The following DIAPH1 variants were observed in gnomAD, a reference collection of about 807,000 sequenced individuals.
DIAPH1 encodes the protein protein diaphanous homolog 1.
DIAPH1 carries 46 observed loss-of-function variants against 140.7 expected under a neutral mutation model. The ratio of observed to expected loss-of-function variants is 0.33; its 90% CI spans 0.26 to 0.42. The LOEUF (loss-of-function observed/expected upper bound fraction) is 0.42. DIAPH1 is among the 10% of genes least tolerant of loss of function. The pLI is 1.00. For synonymous variants in DIAPH1, 565 were observed against 551.6 expected (o/e 1.02, Z -0.34); for missense variants, 1,310 against 1,558.7 (o/e 0.84, Z 2.69).
chr5:141,615,134 A>G lies in DIAPH1; in HGVS notation c.117+3664T>C, dbSNP rs900226454. On this transcript the variant is annotated intron_variant, in intron 1 of 27. Coordinates refer to ENST00000389054, the MANE Select transcript of DIAPH1 (RefSeq NM_005219.5). ...TAAACTAATTTTAATAATTTTAATA[A>G]TAGTAAAAATCATTCTCTTGGCCGG... Among the ~76,000 whole-genome samples the G allele has an allele frequency of 6.3e-4, 96 of 152,304 alleles. 1 individual carries two copies. Among genetic ancestry groups the G allele is most frequent in the African/African-American group, 1.8e-3 (75 of 41,562 alleles).
intron 15 of DIAPH1, 144 bp downstream of exon 15, chr5:141,574,823 A>G: frequency 2.3e-6 from 2 of 856,102 alleles, no homozygotes; most frequent in African/African-American, 1.7e-5. Flanking sequence ...AAAAACCAGT[A>G]TATTATTTTT....
At position 141,571,734 on chromosome 5, in the gene DIAPH1, C is replaced by T. The variant is rs1596376516; in HGVS notation, c.2473+192G>A. 7.1e-6 allele frequency: 5 copies of T among 703,694 alleles called. No individual in the cohort carries two copies. In the East Asian group the frequency reaches 1.3e-4, roughly 19 times the overall value. 43.6% of individuals were successfully genotyped at this position (703,694 alleles called of 1,614,324 possible). On this transcript the variant is annotated intron_variant, in intron 17 of 27. Coordinates refer to ENST00000389054, the MANE Select transcript of DIAPH1 (RefSeq NM_005219.5). ...ATACCTACATACAACAGTTCTCTTTCCCAAACCAAGTAACTCCATAATATT... is the reference window on the plus strand; with the variant it reads ...ATACCTACATACAACAGTTCTCTTTTCCAAACCAAGTAACTCCATAATATT...
Position 141,526,423 on chromosome 5 carries a change from C to T in DIAPH1, c.3312G>A (p.Leu1104=). The change falls in exon 25 of 28, where the codon CTG becomes CTA. Residue 1104 remains leucine, a synonymous_variant. Transcript: ENST00000389054. The part of the protein sequence containing the change: ...VKDAQEQYNK[L]RMMHSNMETL... ...TCTCCATGTTAGAATGCATCATCCG[C>T]AGCTTGTTATACTGTTCCTGTGCAT... The T allele has an allele frequency of 6.2e-7, 1 of 1,614,152 alleles. No individual in the cohort carries two copies. The highest frequency in any genetic ancestry group is 8.5e-7 in the Non-Finnish European group (1 of 1,180,028).
chr5:141,588,224 C>A lies in DIAPH1; in HGVS notation c.144G>T (p.Glu48Asp). Residue 48 changes from glutamate (E) to aspartate (D), a missense_variant and splice_region_variant, in exon 2 of 28, where the codon GAG (glutamate) becomes GAT (aspartate). Glu to Asp is a conservative substitution (Grantham distance 45). Transcript: ENST00000389054. ...CACATGCTAAACAAAATGTCCTTACCTCATCTGCCATGAGCCGCTTCAGAG... is the reference window on the plus strand; with the variant it reads ...CACATGCTAAACAAAATGTCCTTACATCATCTGCCATGAGCCGCTTCAGAG... ...KFTLKRLMAD[E>D]LERFTSMRIK... is the part of the protein sequence containing the mutation. 3 of 1,611,788 alleles carry A rather than the reference C, an allele frequency of 1.9e-6. No homozygotes were observed. Among genetic ancestry groups the A allele is most frequent in the Non-Finnish European group, 2.5e-6 (3 of 1,178,068 alleles).
intron 4 of DIAPH1, 81 bp from the exon 5 acceptor site, chr5:141,583,696 T>A (rs560191438): frequency 1.3e-5 from 20 of 1,561,080 alleles, no homozygotes; most frequent in Non-Finnish European, 1.7e-5. Context: ...ATAGAGTTTA[T>A]ACTTTATTTT....
chr5:141,601,313 A>G (rs1283657574), intron 1 of DIAPH1, among the ~76,000 whole-genome samples: 1 of 149,986 alleles, frequency 6.7e-6, no homozygotes, highest in Non-Finnish European at 1.5e-5. Context: ...CTTTTTTGAG[A>G]TGAAGTATCA....
intron 1 of DIAPH1, chr5:141,588,802 G>A (rs1003372372): frequency 1.9e-5 from 3 of 161,548 alleles, no homozygotes; most frequent in Non-Finnish European, 4.1e-5. Context: ...TTGCATATAC[G>A]TAGTGGAATG....
chr5:141,532,901 C>T (rs1562287998), intron 19 of DIAPH1, among the ~76,000 whole-genome samples: 3 of 152,166 alleles, frequency 2.0e-5, no homozygotes, highest in Non-Finnish European at 2.9e-5. Flanking sequence ...TCTTATGTTC[C>T]TAGAGATACT....
chr5:141,581,119 GTGT>G (rs1440794059), intron 7 of DIAPH1, among the ~76,000 whole-genome samples: 1 of 152,178 alleles, frequency 6.6e-6, no homozygotes, highest in Non-Finnish European at 1.5e-5. Flanking sequence ...AATATGACCA[GTGT>G]CCTTATAAAA....
chr5:141,617,041 G>A (rs1181655531), intron 1 of DIAPH1, among the ~76,000 whole-genome samples: 4 of 152,188 alleles, frequency 2.6e-5, no homozygotes, highest in African/African-American at 9.7e-5. Flanking sequence ...CTCAAGACAT[G>A]AAAACAAGTC....
intron 18 of DIAPH1, among the ~76,000 whole-genome samples, chr5:141,554,221 G>A (rs905404441): frequency 7.9e-5 from 12 of 152,228 alleles, no homozygotes; most frequent in African/African-American, 2.9e-4. Flanking sequence ...AGGTTGCAGT[G>A]AGCCGAGATT....
chr5:141,592,141 A>G (rs2099898589), intron 1 of DIAPH1, among the ~76,000 whole-genome samples: 1 of 151,930 alleles, frequency 6.6e-6, no homozygotes, highest in African/African-American at 2.4e-5. Context: ...TTTAGTGTTC[A>G]ATTTGGGGAA....
At chr5:141,529,754 C>G in intron 19 of DIAPH1, 57 bp from the exon 20 acceptor site, 3 of 1,462,588 alleles carry the variant, frequency 2.1e-6, no homozygotes, top group Non-Finnish European at 2.9e-6. Flanking sequence ...CGCTTCCAAC[C>G]CATCCTGCAA....
At chr5:141,538,070 T>TG (rs1182026186) in intron 18 of DIAPH1, among the ~76,000 whole-genome samples, 1 of 149,828 alleles carries the variant, frequency 6.7e-6, no homozygotes, top group East Asian at 2.0e-4. Flanking sequence ...TTTTTGTTTT[T>TG]TTTTTTTTGA....
intron 18 of DIAPH1, among the ~76,000 whole-genome samples, chr5:141,561,514 A>G (rs1487108325): frequency 6.7e-6 from 1 of 149,686 alleles, no homozygotes; most frequent in Admixed American, 6.7e-5. Flanking sequence ...AGAAATCTAG[A>G]AGTGCTCTAG....
chr5:141,585,046 C>T (rs2099897319), intron 3 of DIAPH1, among the ~76,000 whole-genome samples: 1 of 152,066 alleles, frequency 6.6e-6, no homozygotes, highest in South Asian at 2.1e-4. Flanking sequence ...CCTCCACCTC[C>T]CAGATTCAAG....
chr5:141,534,560 T>G, intron 18 of DIAPH1, 127 bp from the exon 19 acceptor site: 1 of 735,988 alleles, frequency 1.4e-6, no homozygotes, highest in South Asian at 1.5e-5. Context: ...TTGTATTCCT[T>G]CAAAACTAAC....
chr5:141,607,469 C>T (rs2099901158), intron 1 of DIAPH1, among the ~76,000 whole-genome samples: 1 of 152,212 alleles, frequency 6.6e-6, no homozygotes, highest in Non-Finnish European at 1.5e-5. Flanking sequence ...TGAAAACTGA[C>T]CTTAACACTA....
At chr5:141,557,562 T>C (rs922450827) in intron 18 of DIAPH1, among the ~76,000 whole-genome samples, 8 of 152,200 alleles carry the variant, frequency 5.3e-5, no homozygotes, top group Non-Finnish European at 8.8e-5. Flanking sequence ...GTTCCTTTTT[T>C]TCTTCTTTTT....
Sources: allele counts gnomAD v4.1 joint callset (sites outside exome capture counted in the v4.1 genomes callset), GRCh38; gene constraint gnomAD v4.1.1; transcripts MANE v1.5; gene names NCBI Gene and HGNC (gene_info 2026-07-23, HGNC 2026-07-21).